The following ASPRV1 variants were observed in gnomAD, a reference collection of about 807,000 sequenced individuals.
ASPRV1 encodes the protein retroviral-like aspartic protease 1.
A neutral mutation model predicts 11.0 loss-of-function variants in ASPRV1; 7 were observed. That is an observed-to-expected ratio of 0.64 (90% CI 0.36 to 1.20). The LOEUF (loss-of-function observed/expected upper bound fraction) is 1.20, where lower values mean the gene tolerates loss of function less well. ASPRV1 is among the 50% of genes most tolerant of loss of function. ASPRV1 has a pLI of 0.02. For synonymous variants in ASPRV1, 136 were observed against 138.4 expected, an observed-to-expected ratio of 0.98 and a Z score of 0.12; for missense variants, 299 against 320.0, an observed-to-expected ratio of 0.93 and a Z score of 0.50.
the ASPRV1 span, among the ~76,000 whole-genome samples, chr2:69,932,924 A>G: frequency 6.6e-6 from 1 of 152,120 alleles, no homozygotes; most frequent in Admixed American, 6.5e-5. Flanking sequence ...TTCTAATTGG[A>G]AAATTAGCTC....
chr2:69,963,537 C>A (rs115072048), upstream of ASPRV1: 1 of 435,758 alleles, frequency 2.3e-6, no homozygotes, highest in African/African-American at 2.0e-5. Context: ...TAGCATGCGA[C>A]CAAGGGAGGA....
the ASPRV1 span, chr2:70,087,374 C>A: frequency 6.6e-6 from 1 of 152,304 alleles, no homozygotes; most frequent in Admixed American, 6.5e-5. Flanking sequence ...ATCTTGTGAC[C>A]TAAAAAAGAC....
the ASPRV1 span, among the ~76,000 whole-genome samples, chr2:70,054,511 A>G: frequency 4.0e-5 from 6 of 151,634 alleles, no homozygotes; most frequent in Non-Finnish European, 8.8e-5. Flanking sequence ...CGGGAGGCGG[A>G]GTTTGCAGTG....
chr2:69,936,331 C>T, the ASPRV1 span, among the ~76,000 whole-genome samples: 1 of 152,044 alleles, frequency 6.6e-6, no homozygotes, highest in South Asian at 2.1e-4. Context: ...CTATACACCC[C>T]ACGAGGGAGG....
the ASPRV1 span, among the ~76,000 whole-genome samples, chr2:69,987,899 C>G: frequency 6.6e-6 from 1 of 152,188 alleles, no homozygotes; most frequent in Non-Finnish European, 1.5e-5. Context: ...TGCTCTGAGG[C>G]CAAGGCCTCC....
At chr2:69,955,236 G>A (rs957394267), downstream of ASPRV1, among the ~76,000 whole-genome samples, 2 of 152,184 alleles carry the variant, frequency 1.3e-5, no homozygotes. Context: ...TCCCTGGAGC[G>A]TGGAGGCTGG....
the ASPRV1 span, among the ~76,000 whole-genome samples, chr2:69,983,627 G>C: frequency 6.6e-6 from 1 of 152,202 alleles, no homozygotes; most frequent in Non-Finnish European, 1.5e-5. Context: ...TGAGGAATGG[G>C]GGAGGGTAGG....
the ASPRV1 span, among the ~76,000 whole-genome samples, chr2:70,041,121 AAGGTCATGGTC>A: frequency 6.6e-6 from 1 of 152,210 alleles, no homozygotes; most frequent in East Asian, 1.9e-4. Context: ...ATCCATATTT[AAGGTCATGGTC>A]AAAGCTGAGC....
At chr2:69,994,434 A>G in the ASPRV1 span, among the ~76,000 whole-genome samples, 1 of 152,334 alleles carries the variant, frequency 6.6e-6, no homozygotes, top group South Asian at 2.1e-4. Flanking sequence ...AGAGTCTGGG[A>G]AAGAGCAGAG....
chr2:70,034,304 C>A, the ASPRV1 span, among the ~76,000 whole-genome samples: 14 of 151,770 alleles, frequency 9.2e-5, no homozygotes, highest in African/African-American at 2.7e-4. Context: ...CACTGCAAAC[C>A]CTGCCTATAA....
the ASPRV1 span, among the ~76,000 whole-genome samples, chr2:70,017,560 T>G: frequency 1.3e-5 from 2 of 152,030 alleles, no homozygotes; most frequent in African/African-American, 2.4e-5. Context: ...GAGAAAGAAA[T>G]AAAATTTGTC....
At chr2:70,037,355 G>A in the ASPRV1 span, among the ~76,000 whole-genome samples, 1 of 152,086 alleles carries the variant, frequency 6.6e-6, no homozygotes, top group Non-Finnish European at 1.5e-5. Flanking sequence ...CATGAGTCTT[G>A]CTCTGTCACT....
chr2:70,072,856 A>G, the ASPRV1 span, among the ~76,000 whole-genome samples: 1 of 150,738 alleles, frequency 6.6e-6, no homozygotes, highest in East Asian at 2.0e-4. Context: ...ATTCGAGACC[A>G]GTCTGAACAA....
At chr2:70,052,025 C>T in the ASPRV1 span, among the ~76,000 whole-genome samples, 1 of 151,922 alleles carries the variant, frequency 6.6e-6, no homozygotes, top group African/African-American at 2.4e-5. Context: ...TGAGATGCTG[C>T]CTGATTCTAG....
At chr2:70,016,884 T>A in the ASPRV1 span, among the ~76,000 whole-genome samples, 1 of 152,042 alleles carries the variant, frequency 6.6e-6, no homozygotes, top group Admixed American at 6.6e-5. Context: ...AGATAATCCA[T>A]TATGATCAAT....
At chr2:69,988,168 G>A in the ASPRV1 span, among the ~76,000 whole-genome samples, 1 of 152,188 alleles carries the variant, frequency 6.6e-6, no homozygotes, top group Admixed American at 6.6e-5. Flanking sequence ...TTTAGGTATA[G>A]ACCCAAAAGA....
chr2:69,996,927 T>G, the ASPRV1 span: 1 of 314,318 alleles, frequency 3.2e-6, no homozygotes, highest in Non-Finnish European at 6.3e-6. Context: ...ATTATTCATC[T>G]TCAGATGAGG....
the ASPRV1 span, among the ~76,000 whole-genome samples, chr2:69,933,200 C>CAAAAAAAAAAAAAAAAAAAAAAAA: frequency 1.2e-5 from 1 of 80,144 alleles, no homozygotes. Flanking sequence ...AACTCTGTCT[C>CAAAAAAAAAAAAAAAAAAAAAAAA]AAAAAAAAAA....
At chr2:69,967,137 T>C in the ASPRV1 span, among the ~76,000 whole-genome samples, 1 of 152,198 alleles carries the variant, frequency 6.6e-6, no homozygotes, top group African/African-American at 2.4e-5. Flanking sequence ...GGTGGGTTGA[T>C]TCAATTCCAT....
Sources: gnomAD v4.1 joint callset for allele counts (sites outside exome capture counted in the v4.1 genomes callset) on GRCh38, gnomAD v4.1.1 for gene constraint, MANE v1.5 for transcripts, NCBI Gene and HGNC (gene_info 2026-07-23, HGNC 2026-07-21) for gene names.